RBFOX1: variants seen among roughly 807,000 people sequenced by gnomAD.
The protein encoded by RBFOX1 is RNA binding protein fox-1 homolog 1.
RBFOX1 carries 8 observed loss-of-function variants against 57.7 expected under a neutral mutation model. The observed-to-expected ratio is 0.14, with a 90% CI of 0.08 to 0.25. RBFOX1 has a LOEUF of 0.25. RBFOX1 is among the 10% of genes least tolerant of loss of function. The probability of loss-of-function intolerance (pLI) is 1.00; values close to 1 mark genes in which losing one functional copy is unlikely to be tolerated. For synonymous variants in RBFOX1, 326 were observed against 222.4 expected (o/e 1.47, Z -4.15); for missense variants, 611 against 548.5 (o/e 1.11, Z -1.14).
At chr16:5,713,842 C>G (rs1403182667) in intron 3 of RBFOX1, among the ~76,000 whole-genome samples, 1 of 152,152 alleles carries the variant, frequency 6.6e-6, no homozygotes, top group Admixed American at 6.5e-5. Context: ...CAGTGAAGTA[C>G]AAAGACTCGA....
chr16:6,817,185 A>G (rs1357806874), intron 3 of RBFOX1, among the ~76,000 whole-genome samples: 3 of 152,168 alleles, frequency 2.0e-5, no homozygotes, highest in African/African-American at 4.8e-5. Flanking sequence ...CCTGTTATAC[A>G]TCACTGTCCA....
intron 3 of RBFOX1, among the ~76,000 whole-genome samples, chr16:6,682,171 A>T (rs751962854): frequency 2.4e-4 from 37 of 152,164 alleles, no homozygotes; most frequent in Non-Finnish European, 4.7e-4. Flanking sequence ...AAATTTCATC[A>T]TTTGTGCCCA....
Position 5,270,244 on chromosome 16 carries a change from C to T in RBFOX1, c.219+30139C>T, listed in dbSNP as rs939340093. The T allele has an allele frequency of 7.3e-6, 4 of 545,860 alleles. No individual in the cohort carries two copies. The African/African-American group carries it at 7.7e-5, about 10-fold the overall frequency. 33.8% of individuals were successfully genotyped at this position (545,860 alleles called of 1,614,324 possible). On this transcript the variant is annotated intron_variant, in intron 1 of 2. Coordinates refer to the RBFOX1 transcript ENST00000585867. ...GGAGTTAAGAAGAAAATACTTGATCCATTTTCTAAGAAAGATCAGTATGAT... is the reference window on the plus strand; with the variant it reads ...GGAGTTAAGAAGAAAATACTTGATCTATTTTCTAAGAAAGATCAGTATGAT...
At chr16:7,058,331 A>G (rs756838553) in intron 4 of RBFOX1, among the ~76,000 whole-genome samples, 1 of 152,170 alleles carries the variant, frequency 6.6e-6, no homozygotes, top group Non-Finnish European at 1.5e-5. Context: ...TTTCTTTTTT[A>G]AGGGAAAGGG....
At chr16:7,388,692 C>A (rs2097928029) in intron 4 of RBFOX1, among the ~76,000 whole-genome samples, 1 of 112,870 alleles carries the variant, frequency 8.9e-6, no homozygotes, top group Non-Finnish European at 1.7e-5. Flanking sequence ...GACGTGAAAC[C>A]TTTCTGTTTT....
chr16:7,328,876 C>T (rs553584987), intron 4 of RBFOX1: 18 of 152,242 alleles, frequency 1.2e-4, no homozygotes, highest in African/African-American at 4.1e-4. Flanking sequence ...GTTAGCAAAC[C>T]ATGGGCTGTG....
intron 4 of RBFOX1, among the ~76,000 whole-genome samples, chr16:5,908,395 C>G (rs1302161287): frequency 6.6e-6 from 1 of 150,848 alleles, no homozygotes; most frequent in Non-Finnish European, 1.5e-5. Flanking sequence ...CTCTGTTGTC[C>G]AGGCTGGAGT....
At chr16:5,916,574 C>A (rs529602791) in intron 4 of RBFOX1, among the ~76,000 whole-genome samples, 1 of 152,068 alleles carries the variant, frequency 6.6e-6, no homozygotes, top group Non-Finnish European at 1.5e-5. Context: ...TTAGGAGGTG[C>A]TGGGTCCTCC....
At chr16:7,255,951 C>T (rs965904194) in intron 4 of RBFOX1, among the ~76,000 whole-genome samples, 1 of 152,092 alleles carries the variant, frequency 6.6e-6, no homozygotes, top group African/African-American at 2.4e-5. Context: ...ATAAAGTGTT[C>T]ACTTTGGGAT....
intron 4 of RBFOX1, among the ~76,000 whole-genome samples, chr16:7,084,678 C>T (rs11862276): frequency 0.013 from 1,954 of 152,308 alleles, 53 homozygotes; most frequent in African/African-American, 0.045. Flanking sequence ...CTCCTGTGCT[C>T]ACTTGCCCTA....
intron 3 of RBFOX1, among the ~76,000 whole-genome samples, chr16:5,726,437 A>C (rs575699571): frequency 6.6e-6 from 1 of 152,176 alleles, no homozygotes; most frequent in African/African-American, 2.4e-5. Context: ...TCCATTGCCA[A>C]GGTCGCCACC....
intron 3 of RBFOX1, among the ~76,000 whole-genome samples, chr16:5,673,761 A>C (rs894606742): frequency 6.6e-6 from 1 of 152,174 alleles, no homozygotes; most frequent in Non-Finnish European, 1.5e-5. Context: ...ACAAATACGT[A>C]TACACATGGC....
At chr16:7,671,695 T>C in intron 13 of RBFOX1, 1 of 1,135,146 alleles carries the variant, frequency 8.8e-7, no homozygotes, top group Non-Finnish European at 1.3e-6. Flanking sequence ...GGGGAACAGT[T>C]CTCTAACATA....
intron 2 of RBFOX1, among the ~76,000 whole-genome samples, chr16:6,468,054 A>G (rs2095090946): frequency 6.6e-6 from 1 of 152,208 alleles, no homozygotes; most frequent in Non-Finnish European, 1.5e-5. Flanking sequence ...CTCCTGGGAG[A>G]TGGATGGTTT....
chr16:7,035,262 A>C (rs1212741842), intron 3 of RBFOX1, among the ~76,000 whole-genome samples: 3 of 151,972 alleles, frequency 2.0e-5, no homozygotes, highest in Non-Finnish European at 4.4e-5. Flanking sequence ...TGTACTTGGG[A>C]TTCCGCACCC....
intron 4 of RBFOX1, among the ~76,000 whole-genome samples, chr16:7,163,635 T>A (rs142206931): frequency 4.4e-4 from 67 of 152,132 alleles, no homozygotes; most frequent in African/African-American, 1.3e-3. Context: ...AAGTTTTATT[T>A]ATGTGTTTTT....
intron 1 of RBFOX1, among the ~76,000 whole-genome samples, chr16:6,208,163 T>C (rs1182489874): frequency 6.6e-6 from 1 of 152,046 alleles, no homozygotes; most frequent in Admixed American, 6.6e-5. Flanking sequence ...TGTTATGTTT[T>C]ATATAATGTA....
At chr16:7,110,497 C>G (rs2064520475) in intron 4 of RBFOX1, among the ~76,000 whole-genome samples, 1 of 152,244 alleles carries the variant, frequency 6.6e-6, no homozygotes, top group Non-Finnish European at 1.5e-5. Context: ...TAAGGAGAGC[C>G]TGAGCACAGT....
At chr16:7,158,394 G>C (rs11866138) in intron 4 of RBFOX1, among the ~76,000 whole-genome samples, 39,112 of 152,108 alleles carry the variant, frequency 0.26, 5,205 homozygotes, top group South Asian at 0.32. Context: ...ACCAGTGATT[G>C]ATCTTACTGA....
Sources: allele counts gnomAD v4.1 joint callset (sites outside exome capture counted in the v4.1 genomes callset), GRCh38; gene constraint gnomAD v4.1.1; transcripts MANE v1.5; gene names NCBI Gene and HGNC (gene_info 2026-07-23, HGNC 2026-07-21).